Variants in TRIO observed in about 807,000 individuals in gnomAD.
TRIO encodes the protein trio Rho guanine nucleotide exchange factor, also known as triple functional domain protein.
In TRIO, 58 loss-of-function variants were observed where a neutral mutation model predicts 351.9. The observed-to-expected ratio is 0.16, with a 90% CI of 0.13 to 0.21. The LOEUF (loss-of-function observed/expected upper bound fraction) is 0.21. TRIO is among the 10% of genes least tolerant of loss of function. The pLI, the probability that TRIO is intolerant of heterozygous loss-of-function variation, is 1.00. For missense variants in TRIO, 3,201 were observed against 4,027.8 expected (o/e 0.79, Z 5.56); for synonymous variants, 1,758 against 1,595.7 (o/e 1.10, Z -2.42).
Position 14,507,232 on chromosome 5 carries a change from A to G in TRIO, c.8723A>G (p.Asn2908Ser). Residue 2908 changes from asparagine to serine, a missense_variant, in exon 56 of 57, where the codon AAC becomes AGC. Around this residue, in one of 19 missense-constraint regions of TRIO, gnomAD observed 233 missense variants for 292.6 expected, o/e 0.80. Transcript: ENST00000344204. ...EVLEAVRYLHNCRIAHLDLKP... is the reference protein window; with the variant it reads ...EVLEAVRYLHSCRIAHLDLKP... ...CTGGAAGCTGTCCGGTACCTGCACA[A>G]CTGCAGGATAGCACACCTGGACCTA... 3 of 1,611,754 alleles carry G rather than the reference A, an allele frequency of 1.9e-6. No homozygotes were observed. Among genetic ancestry groups the G allele is most frequent in the Non-Finnish European group, 2.5e-6 (3 of 1,179,852 alleles).
chr5:14,378,193 G>A, intron 20 of TRIO, 66 bp downstream of exon 20: 2 of 1,220,584 alleles, frequency 1.6e-6, no homozygotes, highest in East Asian at 2.5e-5. Flanking sequence ...TCCACAGAGA[G>A]GCTGAGCTTG....
intron 34 of TRIO, among the ~76,000 whole-genome samples, chr5:14,456,998 C>A (rs1467765950): frequency 1.3e-5 from 2 of 152,048 alleles, no homozygotes; most frequent in Non-Finnish European, 2.9e-5. Flanking sequence ...TTGATTTAGG[C>A]CAAAGGAATT....
Position 14,286,204 on chromosome 5 carries a change from C to T in TRIO, c.348-667C>T, listed in dbSNP as rs1736432942. Reference sequence around the variant, plus strand: ...AGCCAGCGTTGCTACCACATAAAGGCTTAGTACAGTTGTGGAACTAGATTA... The same window carrying T: ...AGCCAGCGTTGCTACCACATAAAGGTTTAGTACAGTTGTGGAACTAGATTA... On this transcript the variant is annotated intron_variant, in intron 3 of 56. Coordinates refer to ENST00000344204, the MANE Select transcript of TRIO (RefSeq NM_007118.4). The surrounding 1 kb of genome is among the most constrained non-coding windows in gnomAD (Gnocchi z 4.4). Among the ~76,000 whole-genome samples, 1 of 151,988 alleles carries T rather than the reference C, an allele frequency of 6.6e-6. No homozygotes were observed. The highest frequency in any genetic ancestry group is 1.5e-5 in the Non-Finnish European group (1 of 68,014).
At chr5:14,232,238 C>T (rs922841037) in intron 1 of TRIO, among the ~76,000 whole-genome samples, 1 of 152,158 alleles carries the variant, frequency 6.6e-6, no homozygotes, top group Admixed American at 6.5e-5. Flanking sequence ...CTCCCGGTTC[C>T]GTGAGTGAGG....
At chr5:14,232,325 C>T (rs560120577) in intron 1 of TRIO, among the ~76,000 whole-genome samples, 11 of 152,312 alleles carry the variant, frequency 7.2e-5, no homozygotes, top group African/African-American at 2.6e-4. Context: ...CCAACCCCTC[C>T]CATTAAATTC....
chr5:14,183,582 C>T (rs139633485), intron 1 of TRIO, among the ~76,000 whole-genome samples: 955 of 86,980 alleles, frequency 0.011, 13 homozygotes, highest in African/African-American at 0.039. Flanking sequence ...CCTAAAGAAA[C>T]TCTGAGTAAT....
At chr5:14,439,619 AGAG>A (rs1006803824) in intron 34 of TRIO, among the ~76,000 whole-genome samples, 1 of 152,218 alleles carries the variant, frequency 6.6e-6, no homozygotes, top group Non-Finnish European at 1.5e-5. Context: ...TGCTAACAAA[AGAG>A]GAGGTTATTT....
At chr5:14,489,444 G>A (rs1756309204) in intron 48 of TRIO, among the ~76,000 whole-genome samples, 1 of 152,216 alleles carries the variant, frequency 6.6e-6, no homozygotes, top group Non-Finnish European at 1.5e-5. Context: ...TGCTAGGCGG[G>A]TGAGCATAGA....
chr5:14,237,915 T>C (rs983780555), intron 1 of TRIO, among the ~76,000 whole-genome samples: 4 of 152,212 alleles, frequency 2.6e-5, no homozygotes, highest in African/African-American at 7.2e-5. Context: ...AATTTTCTTC[T>C]TTCCTCTAAC....
chr5:14,397,175 C>T (rs921289937), intron 29 of TRIO, 21 bp downstream of exon 29: 2 of 1,566,660 alleles, frequency 1.3e-6, no homozygotes, highest in Non-Finnish European at 8.7e-7. Flanking sequence ...CTCCATACCC[C>T]AGTGTGCATC....
At chr5:14,341,573 T>C (rs1172143658) in intron 11 of TRIO, among the ~76,000 whole-genome samples, 2 of 152,258 alleles carry the variant, frequency 1.3e-5, no homozygotes, top group Non-Finnish European at 2.9e-5. Flanking sequence ...GATTTAATGA[T>C]AGATTTAGTG....
rs528192356 is a variant in TRIO at position 14,301,580 on chromosome 5, T to A, written c.1369-2881T>A. 2.9e-4 allele frequency among the ~76,000 whole-genome samples: 44 copies of A among 152,230 alleles called. 1 individual carries two copies. The highest frequency in any genetic ancestry group is 1.1e-3 in the African/African-American group (44 of 41,552). On this transcript the variant is annotated intron_variant, in intron 7 of 56. Coordinates refer to ENST00000344204, the MANE Select transcript of TRIO (RefSeq NM_007118.4). ...GGGTTACTCAGGATGGTAACACATA[T>A]GTGTGTGTATGTGTATCAGAGTGAG...
At chr5:14,447,529 G>T (rs1046498191) in intron 34 of TRIO, among the ~76,000 whole-genome samples, 20 of 152,130 alleles carry the variant, frequency 1.3e-4, no homozygotes, top group Non-Finnish European at 2.4e-4. Context: ...ACCACTAATT[G>T]CACAATTTTT....
At chr5:14,498,019 G>T in intron 51 of TRIO, 70 bp from the exon 52 acceptor site, 1 of 1,611,392 alleles carries the variant, frequency 6.2e-7, no homozygotes, top group Non-Finnish European at 8.5e-7. Flanking sequence ...TCAATCTGTC[G>T]GGGACATGTG....
chr5:14,212,520 T>C (rs1302034938), intron 1 of TRIO, among the ~76,000 whole-genome samples: 8 of 152,234 alleles, frequency 5.3e-5, no homozygotes, highest in Admixed American at 3.9e-4. Context: ...GTAGGGTGTT[T>C]TAAATTTCAG....
chr5:14,284,822 T>C (rs1581526730), intron 3 of TRIO, among the ~76,000 whole-genome samples: 1 of 152,220 alleles, frequency 6.6e-6, no homozygotes, highest in East Asian at 1.9e-4. Context: ...ATCTCCTGTC[T>C]TTGGTGTACG....
chr5:14,306,860 G>A (rs2152297759), intron 8 of TRIO, among the ~76,000 whole-genome samples: 1 of 152,254 alleles, frequency 6.6e-6, no homozygotes, highest in East Asian at 1.9e-4. Flanking sequence ...CTTGACACAG[G>A]AACTTATGTT....
At chr5:14,471,265 C>G in intron 37 of TRIO, 53 bp from the exon 38 acceptor site, 1 of 1,528,604 alleles carries the variant, frequency 6.5e-7, no homozygotes, top group South Asian at 1.3e-5. Flanking sequence ...TTAGTTTTAG[C>G]CAATCATGGG....
intron 19 of TRIO, 21 bp from the exon 20 acceptor site, chr5:14,377,991 T>A: frequency 6.3e-7 from 1 of 1,579,160 alleles, no homozygotes; most frequent in Non-Finnish European, 8.7e-7. Flanking sequence ...CCAACATACA[T>A]CATTTTCTTT....
Sources: gnomAD v4.1 joint callset for allele counts (sites outside exome capture counted in the v4.1 genomes callset) on GRCh38, gnomAD v4.1.1 for gene constraint, gnomAD v4.1.1 regional missense constraint, Gnocchi (gnomAD v3.1) non-coding constraint, MANE v1.5 for transcripts, NCBI Gene and HGNC (gene_info 2026-07-23, HGNC 2026-07-21) for gene names.